The following CACNG7 variants were observed in gnomAD, a reference collection of about 807,000 sequenced individuals.
CACNG7 encodes calcium voltage-gated channel auxiliary subunit gamma 7, also known as voltage-dependent calcium channel gamma-7 subunit.
In CACNG7, 9 loss-of-function variants were observed where a neutral mutation model predicts 26.3. That is an observed-to-expected ratio of 0.34 (90% confidence interval 0.21 to 0.60). The LOEUF is 0.60. Among genes scored for constraint, CACNG7 ranks in the 20% least tolerant of loss-of-function variants. The pLI, the probability that CACNG7 is intolerant of heterozygous loss-of-function variation, is 0.81. For missense variants in CACNG7, 297 were observed against 380.4 expected (o/e 0.78, Z 1.82); for synonymous variants, 170 against 157.0 (o/e 1.08, Z -0.62).
intron 4 of CACNG7, among the ~76,000 whole-genome samples, chr19:53,928,500 C>A (rs972603703): frequency 7.2e-5 from 11 of 151,984 alleles, no homozygotes; most frequent in Admixed American, 5.9e-4. Context: ...GTCTCGAACT[C>A]CTGACCTCAA....
At position 53,912,596 on chromosome 19, in the gene CACNG7, G is replaced by A. The variant is rs2068867765; in HGVS notation, c.-29-207G>A. ...AGACCACAGGCAGCAGGTTTGGGGAGCCCAGCCCTGAGGCTGAGGCTCAAC... is the reference window on the plus strand; with the variant it reads ...AGACCACAGGCAGCAGGTTTGGGGAACCCAGCCCTGAGGCTGAGGCTCAAC... On this transcript the variant is annotated intron_variant, in intron 1 of 5. Transcript: ENST00000391767. The surrounding 1 kb of genome is among the most constrained non-coding windows in gnomAD (Gnocchi z 4.6). 1.9e-6 allele frequency: 1 copy of A among 523,188 alleles called. No individual in the cohort carries two copies. The highest frequency in any genetic ancestry group is 3.4e-6 in the Non-Finnish European group (1 of 295,156). The allele number at this position is 523,188 out of a possible 1,614,324, so 32.4% of individuals were successfully genotyped here. A position where few individuals can be genotyped will look rare whatever the true frequency, so the allele number is the denominator to read the frequency against.
intron 4 of CACNG7, among the ~76,000 whole-genome samples, chr19:53,929,388 C>T (rs1445283616): frequency 6.6e-6 from 1 of 152,102 alleles, no homozygotes; most frequent in Non-Finnish European, 1.5e-5. Context: ...TATAAACCTG[C>T]TCATATTTCA....
chr19:53,915,059 GT>G (rs1465840394), intron 3 of CACNG7, among the ~76,000 whole-genome samples: 3 of 151,736 alleles, frequency 2.0e-5, no homozygotes, highest in African/African-American at 7.3e-5. Context: ...AGGCAGAGTG[GT>G]GGTTAGGTAA....
chr19:53,922,979 A>G (rs1448339065), intron 4 of CACNG7, among the ~76,000 whole-genome samples: 3 of 86,134 alleles, frequency 3.5e-5, no homozygotes, highest in African/African-American at 8.1e-5. Context: ...TCATTGGTGG[A>G]GTTGTCCCAG....
intron 3 of CACNG7, 87 bp from the exon 4 acceptor site, chr19:53,915,278 A>T (rs2068888560): frequency 2.0e-6 from 2 of 982,220 alleles, no homozygotes; most frequent in Non-Finnish European, 3.2e-6. Flanking sequence ...AAAAACGCAG[A>T]GGTGGTGAGA....
At position 53,913,929 on chromosome 19, in the gene CACNG7, C is replaced by G. The variant is rs76479894; in HGVS notation, c.197-571C>G. 2.0e-5 allele frequency among the ~76,000 whole-genome samples: 3 copies of G among 152,062 alleles called. No homozygotes were observed. In the East Asian group the frequency reaches 5.8e-4, roughly 29 times the overall value. Reference sequence around the variant, plus strand: ...CTACAGCCCCTTTGTTGCTTAAGACCTAGAGTTCCAGCCTTGTCCTCCTTC... The same window carrying G: ...CTACAGCCCCTTTGTTGCTTAAGACGTAGAGTTCCAGCCTTGTCCTCCTTC... On this transcript the variant is annotated intron_variant, in intron 2 of 5. Coordinates refer to ENST00000391767, the MANE Select transcript of CACNG7 (RefSeq NM_031896.5).
At chr19:53,922,818 A>G (rs1485963662) in intron 4 of CACNG7, among the ~76,000 whole-genome samples, 2 of 55,218 alleles carry the variant, frequency 3.6e-5, no homozygotes, top group Admixed American at 2.9e-4. Flanking sequence ...TCATTGGTGG[A>G]GTTGTCCCAG....
At chr19:53,924,813 C>T (rs1214702799) in intron 4 of CACNG7, among the ~76,000 whole-genome samples, 8 of 121,580 alleles carry the variant, frequency 6.6e-5, no homozygotes, top group Non-Finnish European at 9.8e-5. Context: ...GGTGGACTTG[C>T]CCCAGGTCTG....
chr19:53,933,817 G>A (rs1254700878), intron 4 of CACNG7, among the ~76,000 whole-genome samples: 1 of 152,054 alleles, frequency 6.6e-6, no homozygotes, highest in Non-Finnish European at 1.5e-5. Flanking sequence ...CTTGCTCCAT[G>A]TCATCGTTTT....
intron 4 of CACNG7, among the ~76,000 whole-genome samples, chr19:53,923,790 G>GT (rs1272224541): frequency 1.8e-5 from 2 of 112,414 alleles, no homozygotes. Context: ...TGGTGCAGTT[G>GT]CCCCAGGTCT....
chr19:53,913,654 T>G (rs890250762), intron 2 of CACNG7, among the ~76,000 whole-genome samples: 2 of 151,778 alleles, frequency 1.3e-5, no homozygotes, highest in Admixed American at 1.3e-4. Flanking sequence ...ACTGCTGGCA[T>G]GCACCTGTAG....
In CACNG7 at chr19:53,915,500, T is replaced by C; in HGVS notation, c.419T>C (p.Leu140Pro). ...LAFVSGIFFI[L>P]SGLSLVVGLV... ...TTTGTCTCTGGCATCTTCTTCATAC[T>C]ATCGGGTGAGCCTAAGGACTTGGGG... is the stretch of plus-strand genomic sequence containing the variant. The change falls in exon 4 of 6, where the codon CTA becomes CCA. Residue 140 changes from leucine to proline, a missense_variant. Leu to Pro is a moderately conservative substitution (Grantham distance 98, BLOSUM62 -3). Coordinates refer to ENST00000391767, the MANE Select transcript of CACNG7 (RefSeq NM_031896.5). 6.2e-7 allele frequency: 1 copy of C among 1,614,056 alleles called. No homozygotes were observed. Among genetic ancestry groups the C allele is most frequent in the African/African-American group, 1.3e-5 (1 of 75,046 alleles).
chr19:53,923,011 CCCCAGGCCTGGTCATTGGTGCAGTTGT>C (rs1568775871), intron 4 of CACNG7, among the ~76,000 whole-genome samples: 3 of 97,128 alleles, frequency 3.1e-5, no homozygotes, highest in East Asian at 2.7e-4. Flanking sequence ...GGTGCAGTTG[CCCCAGGCCTGGTCATTGGTGCAGTTGT>C]CCCAGGCCTG....
chr19:53,937,421 A>G (rs1469284606), intron 4 of CACNG7, among the ~76,000 whole-genome samples: 2 of 152,192 alleles, frequency 1.3e-5, no homozygotes, highest in Non-Finnish European at 2.9e-5. Context: ...CAGCCTCCCC[A>G]AAAGAGTGTG....
At chr19:53,922,829 G>T (rs1311035730) in intron 4 of CACNG7, among the ~76,000 whole-genome samples, 4 of 70,496 alleles carry the variant, frequency 5.7e-5, no homozygotes, top group Admixed American at 4.4e-4. Context: ...GTTGTCCCAG[G>T]TCTGGTCATT....
At chr19:53,920,818 A>ATTGGTGGACTTGCCCCAGGCTGGTCC (rs2068940823) in intron 4 of CACNG7, among the ~76,000 whole-genome samples, 1 of 77,210 alleles carries the variant, frequency 1.3e-5, no homozygotes, top group African/African-American at 8.1e-5. Flanking sequence ...CAGGCTGGTC[A>ATTGGTGGACTTGCCCCAGGCTGGTCC]TTGGTGGAGT....
chr19:53,916,798 CT>C (rs1181417496), intron 4 of CACNG7, among the ~76,000 whole-genome samples: 3,757 of 119,964 alleles, frequency 0.031, 75 homozygotes, highest in South Asian at 0.1. Context: ...CTGCGCCTGG[CT>C]TTTTTTTTTT....
chr19:53,926,863 A>T (rs892295028), intron 4 of CACNG7, among the ~76,000 whole-genome samples: 1 of 152,236 alleles, frequency 6.6e-6, no homozygotes, highest in Non-Finnish European at 1.5e-5. Context: ...CACTAAGCCA[A>T]GATCATGCCA....
At chr19:53,938,008 C>G (rs550953950) in intron 4 of CACNG7, among the ~76,000 whole-genome samples, 8 of 152,190 alleles carry the variant, frequency 5.3e-5, no homozygotes, top group African/African-American at 1.9e-4. Flanking sequence ...ACCAAAGGCC[C>G]TGAGGCAGAA....
Sources: gnomAD v4.1 joint callset for allele counts (sites outside exome capture counted in the v4.1 genomes callset) on GRCh38, gnomAD v4.1.1 for gene constraint, Gnocchi (gnomAD v3.1) non-coding constraint, MANE v1.5 for transcripts, NCBI Gene and HGNC (gene_info 2026-07-23, HGNC 2026-07-21) for gene names.